SLCO1C1: variants seen among roughly 807,000 people sequenced by gnomAD.
SLCO1C1 encodes the protein solute carrier organic anion transporter family member 1C1, also known as OAT-RP-5.
A neutral mutation model predicts 76.4 loss-of-function variants in SLCO1C1; 70 were observed. That is an observed-to-expected ratio of 0.92 (90% CI 0.76 to 1.12). The LOEUF (loss-of-function observed/expected upper bound fraction) is 1.12. Ranked by LOEUF, SLCO1C1 falls within the 50% of genes most tolerant of loss-of-function variation. The pLI is 0.00. For synonymous variants in SLCO1C1, 306 were observed against 286.1 expected, an observed-to-expected ratio of 1.07 and a Z score of -0.70; for missense variants, 912 against 823.8, an observed-to-expected ratio of 1.11 and a Z score of -1.31.
intron 12 of SLCO1C1, among the ~76,000 whole-genome samples, chr12:20,740,814 T>TATATATACAC (rs1238632883): frequency 7.5e-6 from 1 of 133,328 alleles, no homozygotes; most frequent in Non-Finnish European, 1.6e-5. Flanking sequence ...TATATATATA[T>TATATATACAC]ATATGGCTTT....
intron 3 of SLCO1C1, among the ~76,000 whole-genome samples, chr12:20,703,012 T>C (rs1946597472): frequency 6.6e-6 from 1 of 151,810 alleles, no homozygotes; most frequent in Admixed American, 6.6e-5. Context: ...AAACCATGAC[T>C]CCAAATTCAC....
At chr12:20,701,852 G>A (rs73240436) in intron 3 of SLCO1C1, among the ~76,000 whole-genome samples, 3 of 151,848 alleles carry the variant, frequency 2.0e-5, no homozygotes, top group East Asian at 1.9e-4. Context: ...ATCCAAATGC[G>A]CTCTACAAGA....
At chr12:20,731,053 G>A (rs528953020) in intron 9 of SLCO1C1, among the ~76,000 whole-genome samples, 17 of 152,280 alleles carry the variant, frequency 1.1e-4, no homozygotes, top group South Asian at 2.1e-4. Context: ...TGGCCATCCT[G>A]CCTGTGAATG....
At chr12:20,746,823 T>TTTC (rs71442273) in intron 13 of SLCO1C1, among the ~76,000 whole-genome samples, 62,896 of 149,868 alleles carry the variant, frequency 0.42, 16,167 homozygotes, top group East Asian at 0.6. Context: ...CTTTTTTTTT[T>TTTC]CAAAAACCAT....
rs769871839 is a variant in SLCO1C1, at chr12:20,722,063, T to C, written c.1021+14T>C. On this transcript the variant is annotated intron_variant, in intron 8 of 14. Coordinates refer to ENST00000266509, the MANE Select transcript of SLCO1C1 (RefSeq NM_017435.5). ...AAATGGCAAGAGGTAAGTCAAATTC[T>C]TGATTTTGAAGTATTTTCATTTTTC... The C allele has an allele frequency of 6.2e-7, 1 of 1,607,044 alleles. No homozygotes were observed. The highest frequency in any genetic ancestry group is 2.2e-5 in the East Asian group (1 of 44,830).
At chr12:20,710,557 A>G (rs1947038812) in intron 4 of SLCO1C1, among the ~76,000 whole-genome samples, 1 of 152,186 alleles carries the variant, frequency 6.6e-6, no homozygotes, top group Admixed American at 6.5e-5. Context: ...GATTAGCATT[A>G]TCACAGGCTG....
At chr12:20,722,703 G>A (rs1029057558) in intron 8 of SLCO1C1, among the ~76,000 whole-genome samples, 4 of 152,194 alleles carry the variant, frequency 2.6e-5, no homozygotes, top group Admixed American at 1.3e-4. Flanking sequence ...CACAAGCTAA[G>A]TTTGAGGAAT....
At chr12:20,748,946 T>C (rs1443730304) in intron 13 of SLCO1C1, among the ~76,000 whole-genome samples, 1 of 152,204 alleles carries the variant, frequency 6.6e-6, no homozygotes, top group Non-Finnish European at 1.5e-5. Context: ...AAAATCCTTC[T>C]GCAGTTAATA....
chr12:20,723,016 C>A, intron 8 of SLCO1C1, 74 bp from the exon 9 acceptor site: 1 of 1,367,164 alleles, frequency 7.3e-7, no homozygotes, highest in South Asian at 1.3e-5. Context: ...CCCTGTAAGT[C>A]CTGCCAGCAC....
At chr12:20,733,769 C>G (rs1948407528) in intron 10 of SLCO1C1, among the ~76,000 whole-genome samples, 1 of 152,056 alleles carries the variant, frequency 6.6e-6, no homozygotes, top group East Asian at 1.9e-4. Flanking sequence ...TTTAGTGATG[C>G]CTTCAGGCCT....
At chr12:20,706,734 T>C (rs1476292854) in intron 4 of SLCO1C1, among the ~76,000 whole-genome samples, 1 of 152,138 alleles carries the variant, frequency 6.6e-6, no homozygotes, top group Non-Finnish European at 1.5e-5. Context: ...CTTGAAAAGT[T>C]TGATGACTTT....
chr12:20,743,407 G>T (rs750812459), intron 13 of SLCO1C1, 38 bp downstream of exon 13: 1 of 1,485,090 alleles, frequency 6.7e-7, no homozygotes, highest in Non-Finnish European at 9.3e-7. Flanking sequence ...GGTAGACACC[G>T]TAAGTGTATT....
In SLCO1C1 at chr12:20,715,182, C is replaced by T; in HGVS notation, c.573C>T (p.Phe191=). Reference sequence around the variant, plus strand: ...GCTCTTCCATGTGGATTTATGTTTTCCTGGGCAATCTTCTTCGTGGAATAG... The same window carrying T: ...GCTCTTCCATGTGGATTTATGTTTTTCTGGGCAATCTTCTTCGTGGAATAG... The part of the protein sequence containing the change: ...DTSSSMWIYV[F]LGNLLRGIGE... The change falls in exon 6 of 15, where the codon TTC becomes TTT. Residue 191 remains phenylalanine (F), a synonymous_variant. Transcript: ENST00000266509. 6.2e-7 allele frequency: 1 copy of T among 1,614,040 alleles called. No homozygotes were observed. Among genetic ancestry groups the T allele is most frequent in the Non-Finnish European group, 8.5e-7 (1 of 1,179,952 alleles).
At chr12:20,750,853 C>T in intron 14 of SLCO1C1, 61 bp downstream of exon 14, 1 of 1,613,874 alleles carries the variant, frequency 6.2e-7, no homozygotes, top group Non-Finnish European at 8.5e-7. Flanking sequence ...TACACAATGC[C>T]ACTGACACTA....
At chr12:20,748,095 C>T (rs1301081570) in intron 13 of SLCO1C1, among the ~76,000 whole-genome samples, 1 of 152,144 alleles carries the variant, frequency 6.6e-6, no homozygotes, top group Non-Finnish European at 1.5e-5. Context: ...TACCCAATTA[C>T]TGCTTAAATT....
intron 9 of SLCO1C1, among the ~76,000 whole-genome samples, chr12:20,730,191 C>T (rs1948204488): frequency 6.6e-6 from 1 of 152,130 alleles, no homozygotes; most frequent in Non-Finnish European, 1.5e-5. Context: ...TATTCATAAA[C>T]CAATTTTGGG....
chr12:20,725,778 C>T (rs1947951860), intron 9 of SLCO1C1, among the ~76,000 whole-genome samples: 1 of 151,556 alleles, frequency 6.6e-6, no homozygotes, highest in African/African-American at 2.4e-5. Context: ...TAAGAGCATT[C>T]CAGTTGCCCC....
chr12:20,706,179 T>G, intron 4 of SLCO1C1, 98 bp downstream of exon 4: 5 of 1,381,668 alleles, frequency 3.6e-6, no homozygotes, highest in Non-Finnish European at 3.8e-6. Context: ...GCTTAACCCA[T>G]GATAACTTTG....
chr12:20,731,549 C>T (rs1841968464), intron 9 of SLCO1C1, among the ~76,000 whole-genome samples: 1 of 152,158 alleles, frequency 6.6e-6, no homozygotes, highest in Non-Finnish European at 1.5e-5. Context: ...GTCTTTGAAC[C>T]TTATCTATTG....
Sources: gnomAD v4.1 joint callset for allele counts (sites outside exome capture counted in the v4.1 genomes callset) on GRCh38, gnomAD v4.1.1 for gene constraint, MANE v1.5 for transcripts, NCBI Gene and HGNC (gene_info 2026-07-23, HGNC 2026-07-21) for gene names.